CSMD1: variants seen among roughly 807,000 people sequenced by gnomAD.
CSMD1 encodes the protein CUB and sushi domain-containing protein 1.
CSMD1 carries 213 observed loss-of-function variants against 417.5 expected under a neutral mutation model. That is an observed-to-expected ratio of 0.51 (90% CI 0.46 to 0.57). The LOEUF (loss-of-function observed/expected upper bound fraction) is 0.57, where lower values mean the gene tolerates loss of function less well. Ranked by LOEUF, CSMD1 falls within the 20% of genes least tolerant of loss-of-function variation. The pLI, the probability that CSMD1 is intolerant of heterozygous loss-of-function variation, is 0.00. For synonymous variants in CSMD1, 2,862 were observed against 1,736.8 expected (o/e 1.65, Z -16.11); for missense variants, 6,923 against 4,529.7 (o/e 1.53, Z -15.17).
At chr8:3,633,044 G>A (rs746346601) in intron 7 of CSMD1, among the ~76,000 whole-genome samples, 3 of 152,310 alleles carry the variant, frequency 2.0e-5, no homozygotes, top group Non-Finnish European at 4.4e-5. Context: ...TACTTTTAGT[G>A]TTAGAGTCTG....
intron 3 of CSMD1, among the ~76,000 whole-genome samples, chr8:4,211,450 A>C (rs112073593): frequency 1.1e-4 from 16 of 152,358 alleles, no homozygotes; most frequent in Middle Eastern, 6.8e-3. Flanking sequence ...CAGTTTACGC[A>C]TGACAAATGA....
intron 17 of CSMD1, among the ~76,000 whole-genome samples, chr8:3,388,905 ACACACACACACACACACACACACAC>A (rs1811174528): frequency 3.6e-5 from 1 of 27,798 alleles, no homozygotes; most frequent in African/African-American, 1.6e-4. Context: ...ATACACACAC[ACACACACACACACACACACACACAC>A]ACACACACAC....
intron 46 of CSMD1, among the ~76,000 whole-genome samples, chr8:3,103,138 T>G (rs1031110779): frequency 2.0e-5 from 3 of 152,168 alleles, no homozygotes; most frequent in Non-Finnish European, 4.4e-5. Context: ...CTTATGTCTT[T>G]AAATAAATAC....
intron 3 of CSMD1, among the ~76,000 whole-genome samples, chr8:4,169,979 G>A (rs990052023): frequency 3.3e-5 from 5 of 151,322 alleles, no homozygotes; most frequent in Admixed American, 3.3e-4. Context: ...TGTATCCTTT[G>A]TGCATAGAAG....
intron 49 of CSMD1, among the ~76,000 whole-genome samples, chr8:3,075,262 C>CTTTTCTTTTCTTTCTTTCTTTTTT (rs1813573072): frequency 9.8e-5 from 4 of 40,812 alleles, no homozygotes; most frequent in African/African-American, 2.2e-4. Flanking sequence ...ATTTCTTTTT[C>CTTTTCTTTTCTTTCTTTCTTTTTT]TTTTCTTTTC....
At chr8:3,483,331 GATA>G (rs951947826) in intron 11 of CSMD1, among the ~76,000 whole-genome samples, 1 of 151,908 alleles carries the variant, frequency 6.6e-6, no homozygotes, top group Non-Finnish European at 1.5e-5. Flanking sequence ...CCATCACAAA[GATA>G]ATAAGGAAAT....
chr8:3,339,544 C>T (rs552692296), intron 23 of CSMD1, among the ~76,000 whole-genome samples: 4 of 152,178 alleles, frequency 2.6e-5, no homozygotes, highest in South Asian at 4.1e-4. Flanking sequence ...ATGCCAGTTC[C>T]GTAATTTGAA....
At chr8:3,797,721 A>G (rs889070553) in intron 5 of CSMD1, among the ~76,000 whole-genome samples, 4 of 151,986 alleles carry the variant, frequency 2.6e-5, no homozygotes, top group Admixed American at 1.3e-4. Flanking sequence ...AAGCTGCTAT[A>G]CATATTCTTA....
chr8:4,066,907 G>A (rs911818350), intron 3 of CSMD1, among the ~76,000 whole-genome samples: 1 of 152,318 alleles, frequency 6.6e-6, no homozygotes, highest in African/African-American at 2.4e-5. Context: ...ATAACATTAT[G>A]CTTTAAGTAA....
At chr8:3,788,427 A>G (rs890484631) in intron 5 of CSMD1, among the ~76,000 whole-genome samples, 4 of 152,142 alleles carry the variant, frequency 2.6e-5, no homozygotes, top group African/African-American at 9.7e-5. Flanking sequence ...GAGGTGCCCA[A>G]CAGAAGAACC....
intron 1 of CSMD1, among the ~76,000 whole-genome samples, chr8:4,958,747 C>A (rs1329964347): frequency 1.3e-5 from 2 of 151,298 alleles, no homozygotes; most frequent in Admixed American, 6.6e-5. Flanking sequence ...TATAAGTCAT[C>A]AGTAATTTCC....
chr8:4,931,022 G>A (rs1262733176), intron 1 of CSMD1, among the ~76,000 whole-genome samples: 1 of 152,096 alleles, frequency 6.6e-6, no homozygotes, highest in East Asian at 1.9e-4. Flanking sequence ...GGAGACATGA[G>A]AAAAAGGAAA....
At chr8:3,640,442 C>T (rs1029119325) in intron 7 of CSMD1, among the ~76,000 whole-genome samples, 7 of 152,164 alleles carry the variant, frequency 4.6e-5, no homozygotes, top group African/African-American at 4.8e-5. Flanking sequence ...CCTATGTCCT[C>T]GGACTCCTTC....
chr8:3,935,942 C>G (rs1378508726), intron 5 of CSMD1, among the ~76,000 whole-genome samples: 1 of 152,048 alleles, frequency 6.6e-6, no homozygotes, highest in African/African-American at 2.4e-5. Context: ...GTGAGCCAAG[C>G]TGTGAATGCA....
intron 8 of CSMD1, among the ~76,000 whole-genome samples, chr8:3,613,690 A>C (rs573756603): frequency 7.0e-6 from 1 of 142,494 alleles, no homozygotes; most frequent in East Asian, 2.1e-4. Flanking sequence ...TTCCAAATTC[A>C]TGTCAGATTA....
At chr8:3,153,602 T>G (rs143828371) in intron 39 of CSMD1, among the ~76,000 whole-genome samples, 24 of 152,312 alleles carry the variant, frequency 1.6e-4, no homozygotes, top group Non-Finnish European at 1.5e-4. Context: ...TCCTTTTGAT[T>G]TTAGCATGAT....
chr8:3,986,708 T>G (rs1454440863), intron 5 of CSMD1, among the ~76,000 whole-genome samples: 1 of 152,130 alleles, frequency 6.6e-6, no homozygotes, highest in Non-Finnish European at 1.5e-5. Flanking sequence ...CCATGGAAAA[T>G]TTATCATGTT....
intron 52 of CSMD1, among the ~76,000 whole-genome samples, chr8:3,001,173 T>A (rs1226614295): frequency 6.6e-6 from 1 of 152,066 alleles, no homozygotes; most frequent in Non-Finnish European, 1.5e-5. Context: ...TATTATTATT[T>A]TTAGTAGAGA....
At chr8:4,973,225 A>G (rs906150844) in intron 1 of CSMD1, among the ~76,000 whole-genome samples, 2 of 152,140 alleles carry the variant, frequency 1.3e-5, no homozygotes, top group Admixed American at 6.5e-5. Context: ...TATTATTGAG[A>G]GAAAGCATTT....
Sources: gnomAD v4.1 joint callset for allele counts (sites outside exome capture counted in the v4.1 genomes callset) on GRCh38, gnomAD v4.1.1 for gene constraint, MANE v1.5 for transcripts, NCBI Gene and HGNC (gene_info 2026-07-23, HGNC 2026-07-21) for gene names.